ANTXRL: variants seen among roughly 807,000 people sequenced by gnomAD.
ANTXRL encodes anthrax toxin receptor-like.
In ANTXRL, 63 loss-of-function variants were observed where a neutral mutation model predicts 75.4. The ratio of observed to expected loss-of-function variants is 0.84; its 90% confidence interval spans 0.68 to 1.03. The LOEUF (loss-of-function observed/expected upper bound fraction) is 1.03, where lower values mean the gene tolerates loss of function less well. ANTXRL is among the 50% of genes least tolerant of loss of function. The pLI is 0.00. For missense variants in ANTXRL, 797 were observed against 789.4 expected (o/e 1.01, Z -0.12); for synonymous variants, 335 against 291.3 (o/e 1.15, Z -1.53).
At chr10:46,304,639 G>A (rs1458702247) in intron 10 of ANTXRL, among the ~76,000 whole-genome samples, 4 of 152,116 alleles carry the variant, frequency 2.6e-5, no homozygotes, top group African/African-American at 9.7e-5. Context: ...AGCCCTATTT[G>A]TCATGGATTT....
chr10:46,326,821 A>G (rs1182673101), intron 16 of ANTXRL, among the ~76,000 whole-genome samples: 22 of 152,046 alleles, frequency 1.4e-4, no homozygotes, highest in African/African-American at 4.8e-4. Flanking sequence ...TGGAGAAAAC[A>G]TCCGTGTTCC....
At chr10:46,288,076 G>A (rs1197541408) in intron 1 of ANTXRL, among the ~76,000 whole-genome samples, 1 of 152,102 alleles carries the variant, frequency 6.6e-6, no homozygotes, top group Non-Finnish European at 1.5e-5. Flanking sequence ...GTTTCAGGCT[G>A]GCCCTGGGGA....
intron 16 of ANTXRL, among the ~76,000 whole-genome samples, chr10:46,321,921 C>A (rs1011064853): frequency 6.6e-6 from 1 of 152,068 alleles, no homozygotes; most frequent in East Asian, 1.9e-4. Flanking sequence ...TTTAAGATGT[C>A]ATTTGTTCTT....
chr10:46,287,333 T>C lies in ANTXRL; in HGVS notation c.71T>C (p.Leu24Pro), dbSNP rs1347962482. ...FLLLLLLPPP[L>P]FRAGSLRYHG... ...CTGCTGCTGCTGCTTCCTCCACCGC[T>C]TTTTAGAGCAGGAAGCCTTCGGTAC... The change falls in exon 1 of 17, where the codon CTT (leucine) becomes CCT (proline). Residue 24 changes from leucine (L) to proline (P), a missense_variant. By Grantham distance (98) the Leu-to-Pro change is moderately conservative (BLOSUM62 -3). Around this residue, in one of 3 missense-constraint regions of ANTXRL, gnomAD observed 262 missense variants for 271.9 expected, o/e 0.96. Transcript: ENST00000620264. The C allele has an allele frequency of 3.9e-6, 6 of 1,535,916 alleles. No individual in the cohort carries two copies. The highest frequency in any genetic ancestry group is 5.2e-6 in the Non-Finnish European group (6 of 1,146,782).
intron 12 of ANTXRL, chr10:46,308,409 C>CCTCCCCTCCCCTCCCCTCCT (rs1838223558): frequency 6.2e-6 from 2 of 322,012 alleles, no homozygotes; most frequent in African/African-American, 2.5e-5. Context: ...CCTTCCCTCC[C>CCTCCCCTCCCCTCCCCTCCT]CTCCCCTCCC....
intron 16 of ANTXRL, among the ~76,000 whole-genome samples, chr10:46,321,842 A>G (rs1311488916): frequency 6.6e-6 from 1 of 152,082 alleles, no homozygotes; most frequent in African/African-American, 2.4e-5. Flanking sequence ...TCTGATTATC[A>G]TCAAAGCCAA....
chr10:46,325,663 G>T (rs782047422), intron 16 of ANTXRL, among the ~76,000 whole-genome samples: 11 of 152,144 alleles, frequency 7.2e-5, no homozygotes, highest in Non-Finnish European at 1.6e-4. Context: ...CAGAAACAGT[G>T]TTTCTAAGCA....
At chr10:46,294,120 G>T in intron 3 of ANTXRL, 1 of 560,514 alleles carries the variant, frequency 1.8e-6, no homozygotes, top group Non-Finnish European at 3.2e-6. Context: ...TGCTCCAGAA[G>T]TTCTCAGCCT....
At chr10:46,315,402 C>G (rs879981642) in intron 16 of ANTXRL, among the ~76,000 whole-genome samples, 175 of 152,326 alleles carry the variant, frequency 1.1e-3, no homozygotes, top group African/African-American at 3.6e-3. Context: ...TGCAACCGCA[C>G]GGCTGTGGAG....
intron 16 of ANTXRL, among the ~76,000 whole-genome samples, chr10:46,325,390 C>A (rs2132921839): frequency 6.6e-6 from 1 of 152,170 alleles, no homozygotes; most frequent in South Asian, 2.1e-4. Context: ...ATGAGAAGGT[C>A]CCTTTGGTCT....
At chr10:46,308,402 T>TCCCCCCCCCCCCCCCCCCCCCCCC in intron 12 of ANTXRL, 1 of 246,460 alleles carries the variant, frequency 4.1e-6, no homozygotes, top group South Asian at 2.9e-5. Context: ...CCCTGCCCCT[T>TCCCCCCCCCCCCCCCCCCCCCCCC]CCCTCCCCTC....
rs1554967377 is a variant in ANTXRL at position 46,330,040 on chromosome 10, G to A, written c.1852G>A (p.Ala618Thr). The part of the protein sequence containing the change: ...PLLSPLLRHT[A>T]EPPLSLPPSE... ...GCTGTCCCCACTGCTCAGGCACACG[G>A]CAGAACCCCCTTTGTCACTCCCCCC... is the stretch of plus-strand genomic sequence containing the variant. The change falls in exon 17 of 17, where the codon GCA becomes ACA. Residue 618 changes from alanine (A) to threonine (T), a missense_variant. Transcript: ENST00000620264. 1.3e-6 allele frequency: 2 copies of A among 1,529,902 alleles called. No homozygotes were observed. The highest frequency in any genetic ancestry group is 1.7e-6 in the Non-Finnish European group (2 of 1,142,992). 94.8% of individuals were successfully genotyped at this position (1,529,902 alleles called of 1,614,324 possible).
chr10:46,293,662 T>C (rs1265286989), intron 2 of ANTXRL, among the ~76,000 whole-genome samples, 167 bp from the exon 3 acceptor site: 1 of 151,982 alleles, frequency 6.6e-6, no homozygotes, highest in African/African-American at 2.4e-5. Context: ...ATGGAGCCCT[T>C]GTCTCCACAG....
chr10:46,295,510 GGA>G (rs1837320290), intron 3 of ANTXRL, among the ~76,000 whole-genome samples: 1 of 61,734 alleles, frequency 1.6e-5, no homozygotes, highest in Non-Finnish European at 4.4e-5. Flanking sequence ...GTTAGAGTTA[GGA>G]ATGTCAACCC....
In ANTXRL at chr10:46,287,187, G is replaced by A; in HGVS notation, c.-76G>A. ...GGGCATAAGGGGAGGCGGCAAAGAAGGGGCCTGTGCTCAGCCTCTCTGGGC... is the reference window on the plus strand; with the variant it reads ...GGGCATAAGGGGAGGCGGCAAAGAAAGGGCCTGTGCTCAGCCTCTCTGGGC... On this transcript the variant is annotated 5_prime_UTR_variant, in exon 1 of 17. Transcript: ENST00000620264. The A allele has an allele frequency of 6.7e-7, 1 of 1,487,304 alleles. No individual in the cohort carries two copies. The highest frequency in any genetic ancestry group is 2.3e-5 in the Admixed American group (1 of 43,368). The allele number at this position is 1,487,304 out of a possible 1,614,324, so 92.1% of individuals were successfully genotyped here. A position where few individuals can be genotyped will look rare whatever the true frequency, so the allele number is the denominator to read the frequency against.
At position 46,311,677 on chromosome 10, in the gene ANTXRL, A is replaced by G; in HGVS notation, c.1329+12A>G. The G allele has an allele frequency of 1.1e-6, 1 of 925,490 alleles. No homozygotes were observed. Among genetic ancestry groups the G allele is most frequent in the Non-Finnish European group, 1.7e-6 (1 of 590,154 alleles). The allele number at this position is 925,490 out of a possible 1,614,324, so 57.3% of individuals were successfully genotyped here. A position where few individuals can be genotyped will look rare whatever the true frequency, so the allele number is the denominator to read the frequency against. Reference sequence around the variant, plus strand: ...TGAGAAGGATAGAGGTGAGAAGGGCACAGTGGAGAGGGGCTGTGACCCCAG... The same window carrying G: ...TGAGAAGGATAGAGGTGAGAAGGGCGCAGTGGAGAGGGGCTGTGACCCCAG... On this transcript the variant is annotated intron_variant, in intron 15 of 16. Coordinates refer to ENST00000620264, the MANE Select transcript of ANTXRL (RefSeq NM_001278688.3).
chr10:46,287,931 G>A (rs1836831451), intron 1 of ANTXRL, among the ~76,000 whole-genome samples: 1 of 152,154 alleles, frequency 6.6e-6, no homozygotes, highest in African/African-American at 2.4e-5. Context: ...GCCCCACAGA[G>A]ATTGCTTTGT....
Position 46,329,929 on chromosome 10 carries a change from C to G in ANTXRL, c.1741C>G (p.Arg581Gly). The change falls in exon 17 of 17, where the codon CGG (arginine) becomes GGG (glycine). Residue 581 changes from arginine (R) to glycine (G), a missense_variant. Coordinates refer to ENST00000620264, the MANE Select transcript of ANTXRL (RefSeq NM_001278688.3). Reference sequence around the variant, plus strand: ...CCCAAAGAGCTGCCTTCAACCCAGCCGGGAGTGCCTCCCCCTCACCTGCTC... The same window carrying G: ...CCCAAAGAGCTGCCTTCAACCCAGCGGGGAGTGCCTCCCCCTCACCTGCTC... ...CNPKSCLQPS[R>G]ECLPLTCSSR... 2 of 1,535,906 alleles carry G rather than the reference C, an allele frequency of 1.3e-6. No individual in the cohort carries two copies. The highest frequency in any genetic ancestry group is 2.7e-5 in the African/African-American group (2 of 73,112).
At chr10:46,293,355 T>C (rs1837129757) in intron 2 of ANTXRL, among the ~76,000 whole-genome samples, 2 of 148,528 alleles carry the variant, frequency 1.3e-5, no homozygotes, top group East Asian at 2.0e-4. Context: ...CGTGCATGTG[T>C]GTGCATGTGA....
Sources: gnomAD v4.1 joint callset for allele counts (sites outside exome capture counted in the v4.1 genomes callset) on GRCh38, gnomAD v4.1.1 for gene constraint, gnomAD v4.1.1 regional missense constraint, MANE v1.5 for transcripts, NCBI Gene and HGNC (gene_info 2026-07-23, HGNC 2026-07-21) for gene names.